The following AGMO variants were observed in gnomAD, a reference collection of about 807,000 sequenced individuals.
AGMO encodes alkylglycerol monooxygenase, also known as glyceryl-ether monooxygenase.
In AGMO, 75 loss-of-function variants were observed where a neutral mutation model predicts 60.2. That is an observed-to-expected ratio of 1.25 (90% confidence interval 1.03 to 1.51). AGMO has a LOEUF of 1.51. Among genes scored for constraint, AGMO ranks in the 40% most tolerant of loss-of-function variants. The probability of loss-of-function intolerance (pLI) is 0.00; values close to 1 mark genes in which losing one functional copy is unlikely to be tolerated. For missense variants in AGMO, 763 were observed against 525.5 expected (o/e 1.45, Z -4.42); for synonymous variants, 261 against 177.1 (o/e 1.47, Z -3.76).
intron 3 of AGMO, among the ~76,000 whole-genome samples, chr7:15,448,250 G>A (rs1477748641): frequency 2.0e-5 from 3 of 152,134 alleles, no homozygotes; most frequent in Non-Finnish European, 4.4e-5. Flanking sequence ...CCTTTGCAAG[G>A]CTATTTGGAA....
At chr7:15,195,359 C>G (rs1781090561), downstream of AGMO, among the ~76,000 whole-genome samples, 1 of 152,172 alleles carries the variant, frequency 6.6e-6, no homozygotes, top group Non-Finnish European at 1.5e-5. Context: ...CCCAGTGGGT[C>G]TTCCGTGCCC....
At chr7:15,334,439 A>C (rs1781589282) in intron 12 of AGMO, among the ~76,000 whole-genome samples, 1 of 152,084 alleles carries the variant, frequency 6.6e-6, no homozygotes, top group Non-Finnish European at 1.5e-5. Context: ...TGTGATATCA[A>C]AGTGACTAAA....
intron 3 of AGMO, among the ~76,000 whole-genome samples, chr7:15,451,270 G>A (rs1027747780): frequency 2.6e-5 from 4 of 152,002 alleles, no homozygotes; most frequent in Admixed American, 1.3e-4. Context: ...CTAAGACTCA[G>A]AGAAGATGTT....
chr7:15,250,539 TACACACACACACACTAAACAC>T (rs1387860601), intron 12 of AGMO, among the ~76,000 whole-genome samples: 2 of 120,482 alleles, frequency 1.7e-5, no homozygotes, highest in Non-Finnish European at 3.4e-5. Context: ...GAAATTGAAG[TACACACACACACACTAAACAC>T]ACACACACAC....
intron 3 of AGMO, among the ~76,000 whole-genome samples, chr7:15,529,084 T>C (rs1200238881): frequency 6.6e-6 from 1 of 152,062 alleles, no homozygotes; most frequent in African/African-American, 2.4e-5. Context: ...AATTAAAACG[T>C]TCAAAACAGA....
At chr7:15,384,335 A>C (rs181001156) in intron 10 of AGMO, among the ~76,000 whole-genome samples, 1 of 152,272 alleles carries the variant, frequency 6.6e-6, no homozygotes, top group African/African-American at 2.4e-5. Context: ...AGTTTATTTT[A>C]ATTACTTTAA....
intron 10 of AGMO, among the ~76,000 whole-genome samples, chr7:15,379,885 C>CT (rs1783607829): frequency 1.3e-5 from 2 of 152,010 alleles, no homozygotes; most frequent in Non-Finnish European, 2.9e-5. Flanking sequence ...TGATTCATTA[C>CT]GTTAACAGAA....
chr7:15,148,971 C>T, the AGMO span, among the ~76,000 whole-genome samples: 14 of 152,090 alleles, frequency 9.2e-5, no homozygotes, highest in Non-Finnish European at 1.6e-4. Context: ...AATCTCAGCT[C>T]GCTAACACCT....
At chr7:15,482,626 C>A (rs905683364) in intron 3 of AGMO, among the ~76,000 whole-genome samples, 3 of 152,206 alleles carry the variant, frequency 2.0e-5, no homozygotes, top group Non-Finnish European at 2.9e-5. Flanking sequence ...AGTAGGGACA[C>A]TTGTCATCTC....
In AGMO at chr7:15,274,078, T is replaced by C. The variant is rs1193452381; in HGVS notation, c.1264-72719A>G. On this transcript the variant is annotated intron_variant, in intron 12 of 12. Coordinates refer to ENST00000342526, the MANE Select transcript of AGMO (RefSeq NM_001004320.2). ...TCATGTCATCTGCAAACAGGGACTA[T>C]TTGACTTCCTCTTTTCCTAATTGAA... Among the ~76,000 whole-genome samples the C allele has an allele frequency of 5.3e-5, 8 of 152,184 alleles. No individual in the cohort carries two copies. In the East Asian group the frequency reaches 1.5e-3, roughly 29 times the overall value.
At chr7:15,458,104 A>G (rs1782045011) in intron 3 of AGMO, among the ~76,000 whole-genome samples, 1 of 152,162 alleles carries the variant, frequency 6.6e-6, no homozygotes, top group African/African-American at 2.4e-5. Flanking sequence ...CTCTTAACCA[A>G]ATATTGGCAC....
chr7:15,491,685 G>A (rs1236900057), intron 3 of AGMO, among the ~76,000 whole-genome samples: 1 of 152,146 alleles, frequency 6.6e-6, no homozygotes, highest in African/African-American at 2.4e-5. Context: ...TGAGAACATG[G>A]TATTCACCAG....
the AGMO span, among the ~76,000 whole-genome samples, chr7:15,167,480 G>C: frequency 1.3e-5 from 2 of 152,236 alleles, no homozygotes; most frequent in Non-Finnish European, 2.9e-5. Flanking sequence ...CAAAAAACCA[G>C]GTGACTACAT....
chr7:15,224,249 C>G (rs1374033370), intron 12 of AGMO, among the ~76,000 whole-genome samples: 3 of 151,956 alleles, frequency 2.0e-5, no homozygotes, highest in Non-Finnish European at 4.4e-5. Flanking sequence ...AATCTTTCAC[C>G]TCTGTTGCAG....
At chr7:15,164,381 A>C in the AGMO span, among the ~76,000 whole-genome samples, 1 of 152,258 alleles carries the variant, frequency 6.6e-6, no homozygotes, top group East Asian at 1.9e-4. Context: ...AAAAAACAAA[A>C]ATAGACAAAT....
chr7:15,320,273 C>T (rs1042166186), intron 12 of AGMO, among the ~76,000 whole-genome samples: 3 of 151,500 alleles, frequency 2.0e-5, no homozygotes, highest in African/African-American at 7.3e-5. Flanking sequence ...AAAATATACA[C>T]ATAAAATAAA....
intron 3 of AGMO, among the ~76,000 whole-genome samples, chr7:15,445,594 C>A (rs73288453): frequency 0.17 from 25,642 of 151,988 alleles, 2,578 homozygotes; most frequent in African/African-American, 0.27. Context: ...TTTAATAGAT[C>A]ATTTTTGATA....
chr7:15,341,439 C>G (rs1274744272), intron 12 of AGMO, among the ~76,000 whole-genome samples: 2 of 152,150 alleles, frequency 1.3e-5, no homozygotes, highest in Non-Finnish European at 2.9e-5. Flanking sequence ...TTCCTCATCT[C>G]TATCTGAGAC....
At chr7:15,371,399 T>C (rs1783207361) in intron 10 of AGMO, among the ~76,000 whole-genome samples, 1 of 151,798 alleles carries the variant, frequency 6.6e-6, no homozygotes, top group Admixed American at 6.6e-5. Context: ...ATTTTTTTTT[T>C]TTTTCTTCGA....
Sources: gnomAD v4.1 joint callset for allele counts (sites outside exome capture counted in the v4.1 genomes callset) on GRCh38, gnomAD v4.1.1 for gene constraint, MANE v1.5 for transcripts, NCBI Gene and HGNC (gene_info 2026-07-23, HGNC 2026-07-21) for gene names.